The following SCN11A variants were observed in gnomAD, a reference collection of about 807,000 sequenced individuals.
The protein encoded by SCN11A is sodium channel protein type 11 subunit alpha.
In SCN11A, 122 loss-of-function variants were observed where a neutral mutation model predicts 162.2. The ratio of observed to expected loss-of-function variants is 0.75; its 90% CI spans 0.65 to 0.87. The LOEUF is 0.87. Among genes scored for constraint, SCN11A ranks in the 40% least tolerant of loss-of-function variants. The pLI, the probability that SCN11A is intolerant of heterozygous loss-of-function variation, is 0.00. For synonymous variants in SCN11A, 758 were observed against 751.5 expected (o/e 1.01, Z -0.14); for missense variants, 2,015 against 2,181.6 (o/e 0.92, Z 1.52).
At position 39,019,239 on chromosome 3, in the gene SCN11A, T is replaced by C. The variant is rs550031535; in HGVS notation, c.-280+13141A>G. On this transcript the variant is annotated intron_variant, in intron 2 of 29. Transcript: ENST00000302328. ...GAGATATCTTTTCAGTTTTTTTGCA[T>C]GTCCGATAATGGATGGCTGTACCTG... Among the ~76,000 whole-genome samples, 283 of 152,292 alleles carry C rather than the reference T, an allele frequency of 1.9e-3. 8 individuals carry two copies. The highest frequency in any genetic ancestry group is 0.019 in the Admixed American group (283 of 15,296).
intron 18 of SCN11A, among the ~76,000 whole-genome samples, chr3:38,896,018 T>A (rs2065591282): frequency 6.6e-6 from 1 of 152,200 alleles, no homozygotes; most frequent in South Asian, 2.1e-4. Context: ...AGCCTCCTCA[T>A]AAATATCTAT....
chr3:39,043,470 A>G (rs1474102220), intron 1 of SCN11A, among the ~76,000 whole-genome samples: 1 of 145,460 alleles, frequency 6.9e-6, no homozygotes, highest in African/African-American at 2.7e-5. Flanking sequence ...TACACAATGA[A>G]GTACTATACA....
chr3:38,863,426 G>A (rs138016285), intron 27 of SCN11A, 127 bp from the exon 28 acceptor site: 1 of 597,924 alleles, frequency 1.7e-6, no homozygotes, highest in East Asian at 2.8e-5. Context: ...TCAATGGTAA[G>A]CTTAAGAGAC....
chr3:39,013,468 C>T (rs368308312), intron 2 of SCN11A, among the ~76,000 whole-genome samples: 2 of 151,762 alleles, frequency 1.3e-5, no homozygotes, highest in South Asian at 2.1e-4. Context: ...CCAGTAGTGC[C>T]TCCCATTGGC....
At chr3:38,892,844 CCAAATAAGGAAATAATT>C (rs2065522254) in intron 19 of SCN11A, among the ~76,000 whole-genome samples, 2 of 151,162 alleles carry the variant, frequency 1.3e-5, no homozygotes, top group Middle Eastern at 3.2e-3. Context: ...TTTAGAGTAC[CCAAATAAGGAAATAATT>C]CAAAAAGATT....
At chr3:38,938,700 G>A (rs1462914635) in intron 7 of SCN11A, among the ~76,000 whole-genome samples, 1 of 149,806 alleles carries the variant, frequency 6.7e-6, no homozygotes, top group African/African-American at 2.4e-5. Context: ...GAGTAGCTGG[G>A]ATTACAGGCA....
At chr3:38,950,063 A>AG in intron 5 of SCN11A, 33 bp downstream of exon 5, 1 of 62,400 alleles carries the variant, frequency 1.6e-5, no homozygotes, top group Non-Finnish European at 3.1e-5. Flanking sequence ...GAACACCCCC[A>AG]CCCCCACCCC....
chr3:38,985,128 CTTTT>C (rs1161269109), intron 2 of SCN11A, among the ~76,000 whole-genome samples: 2 of 126,368 alleles, frequency 1.6e-5, no homozygotes. Flanking sequence ...GGCTGGCTGT[CTTTT>C]TTTTTTTTTT....
intron 7 of SCN11A, among the ~76,000 whole-genome samples, chr3:38,939,126 T>C (rs2125567175): frequency 6.6e-6 from 1 of 152,106 alleles, no homozygotes; most frequent in Admixed American, 6.5e-5. Context: ...TGAGTAGAGA[T>C]TGCTCCACTG....
Position 38,847,163 on chromosome 3 carries a change from T to C in SCN11A, c.4907A>G (p.Glu1636Gly). Residue 1636 changes from glutamate to glycine, a missense_variant, in exon 30 of 30, where the codon GAA (glutamate) becomes GGA (glycine). Glu to Gly is a moderately conservative substitution (Grantham distance 98). Coordinates refer to ENST00000302328, the MANE Select transcript of SCN11A (RefSeq NM_001349253.2). ...AGAATATTTGATAAATTGTGTTGCT[T>C]CTGGGTCAAACTTTTCCCACACTTC... is the stretch of plus-strand genomic sequence containing the variant. ...FYEVWEKFDP[E>G]ATQFIKYSAL... is the part of the protein sequence containing the mutation. The C allele has an allele frequency of 1.9e-6, 3 of 1,614,228 alleles. 1 individual carries two copies. Among genetic ancestry groups the C allele is most frequent in the South Asian group, 1.1e-5 (1 of 91,086 alleles).
intron 28 of SCN11A, among the ~76,000 whole-genome samples, chr3:38,861,605 T>C (rs2064965335): frequency 6.6e-6 from 1 of 152,098 alleles, no homozygotes; most frequent in African/African-American, 2.4e-5. Context: ...TACAGCCAAT[T>C]GATCTTTGGC....
intron 2 of SCN11A, among the ~76,000 whole-genome samples, chr3:39,007,587 A>G (rs1379695089): frequency 6.6e-6 from 1 of 152,198 alleles, no homozygotes; most frequent in Non-Finnish European, 1.5e-5. Flanking sequence ...TACATAAAGG[A>G]AACTCCATAA....
chr3:38,963,426 T>TATATATATATATATATATATGATGGAG (rs2066759435), intron 2 of SCN11A, among the ~76,000 whole-genome samples: 2 of 74,228 alleles, frequency 2.7e-5, no homozygotes, highest in African/African-American at 2.1e-4. Context: ...ATGATGGAGA[T>TATATATATATATATATATATGATGGAG]ATATATATAT....
At chr3:38,970,537 T>C (rs1226267489) in intron 2 of SCN11A, among the ~76,000 whole-genome samples, 4 of 152,214 alleles carry the variant, frequency 2.6e-5, no homozygotes, top group African/African-American at 9.6e-5. Context: ...AAATCTTAGT[T>C]AATTTTTTGG....
chr3:38,847,296 A>C lies in SCN11A; in HGVS notation c.4774T>G (p.Phe1592Val). The change falls in exon 30 of 30, where the codon TTT becomes GTT. Residue 1592 changes from phenylalanine (F) to valine (V), a missense_variant. Coordinates refer to ENST00000302328, the MANE Select transcript of SCN11A (RefSeq NM_001349253.2). Reference sequence around the variant, plus strand: ...ATGTACATGTTGACAACAATGAGAAAGGAGATGATAATGTAACTGACAAAG... The same window carrying C: ...ATGTACATGTTGACAACAATGAGAACGGAGATGATAATGTAACTGACAAAG... Reference protein sequence around the residue: ...SYFVSYIIISFLIVVNMYIAV... With the variant: ...SYFVSYIIISVLIVVNMYIAV... 6.2e-7 allele frequency: 1 copy of C among 1,614,206 alleles called. No individual in the cohort carries two copies.
rs1553644472 is a variant in SCN11A, at chr3:38,950,078, C to CCCCCCCCCCCCCCCCCCCCCCCG, written c.267+17_267+18insCGGGGGGGGGGGGGGGGGGGGGG. The CCCCCCCCCCCCCCCCCCCCCCCG allele has an allele frequency of 7.1e-6, 1 of 139,974 alleles. No individual in the cohort carries two copies. The highest frequency in any genetic ancestry group is 7.2e-5 in the Admixed American group (1 of 13,920). The allele number at this position is 139,974 out of a possible 1,614,324, so 8.7% of individuals were successfully genotyped here. ...GAACACCCCCACCCCCACCCCCCCC[C>CCCCCCCCCCCCCCCCCCCCCCCG]CCCGCCCAATGAAGTACCTTATGAT... On this transcript the variant is annotated intron_variant, in intron 5 of 29. Coordinates refer to ENST00000302328, the MANE Select transcript of SCN11A (RefSeq NM_001349253.2).
intron 15 of SCN11A, among the ~76,000 whole-genome samples, chr3:38,904,664 C>T (rs2065764513): frequency 6.6e-6 from 1 of 152,036 alleles, no homozygotes; most frequent in Non-Finnish European, 1.5e-5. Context: ...CTATTTGACC[C>T]CCCTTGCAGG....
chr3:38,872,863 A>G (rs561506557), intron 23 of SCN11A, among the ~76,000 whole-genome samples: 13 of 152,294 alleles, frequency 8.5e-5, no homozygotes, highest in Non-Finnish European at 1.6e-4. Context: ...TAATTGGTGA[A>G]CCTGAAGAAA....
At chr3:38,872,327 T>TCTCACACACA in intron 23 of SCN11A, 33 bp from the exon 24 acceptor site, 1 of 1,178,204 alleles carries the variant, frequency 8.5e-7, no homozygotes, top group South Asian at 1.2e-5. Context: ...ATAATGTACC[T>TCTCACACACA]GACTTGGTGT....
Sources: allele counts gnomAD v4.1 joint callset (sites outside exome capture counted in the v4.1 genomes callset), GRCh38; gene constraint gnomAD v4.1.1; transcripts MANE v1.5; gene names NCBI Gene and HGNC (gene_info 2026-07-23, HGNC 2026-07-21).